The following C9orf78 variants were observed in gnomAD, a reference collection of about 807,000 sequenced individuals.
The protein encoded by C9orf78 is splicing factor C9orf78.
C9orf78 carries 19 observed loss-of-function variants against 37.4 expected under a neutral mutation model. The ratio of observed to expected loss-of-function variants is 0.51; its 90% CI spans 0.35 to 0.74. The LOEUF is 0.74. Among genes scored for constraint, C9orf78 ranks in the 30% least tolerant of loss-of-function variants. The pLI, the probability that C9orf78 is intolerant of heterozygous loss-of-function variation, is 0.01. For missense variants in C9orf78, 291 were observed against 370.8 expected (o/e 0.78, Z 1.77); for synonymous variants, 130 against 128.0 (o/e 1.02, Z -0.10).
At chr9:129,834,932 G>A in intron 1 of C9orf78, 166 bp from the exon 2 acceptor site, 1 of 671,320 alleles carries the variant, frequency 1.5e-6, no homozygotes, top group East Asian at 2.7e-5. Context: ...CCGGGAGTCA[G>A]AGCCACTGCG....
intron 5 of C9orf78, 25 bp downstream of exon 5, chr9:129,831,871 C>A: frequency 8.0e-7 from 1 of 1,256,734 alleles, no homozygotes; most frequent in South Asian, 1.2e-5. Context: ...CCCAACTGCT[C>A]ACAGCCAAAC....
Position 129,829,218 on chromosome 9 carries a change from CT to C in C9orf78, c.764del (p.Lys255SerfsTer31), listed in dbSNP as rs1314533284. 2 of 1,613,424 alleles carry C rather than the reference CT, an allele frequency of 1.2e-6. No individual in the cohort carries two copies. Among genetic ancestry groups the C allele is most frequent in the Non-Finnish European group, 8.5e-7 (1 of 1,179,422 alleles). On this transcript the variant is annotated frameshift_variant, in exon 8 of 9. Coordinates refer to ENST00000372447, the MANE Select transcript of C9orf78 (RefSeq NM_016520.3). LOFTEE classifies it high-confidence loss of function. ...ARPLRVGDTE[K>X]PEPERSPPNR... ...TGTTGCACTCACGCTCAGGCTCTGG[CT>C]TCTCCGTGTCACCTACTCTCAAGGG...
Position 129,831,101 on chromosome 9 carries a change from G to C in C9orf78, c.345-33C>G, listed in dbSNP as rs943060641. ...GAGAAACCCAGAGGCCTCAGGGAGG[G>C]GTGGGAAACACACACCAGGTGTCCT... On this transcript the variant is annotated intron_variant, in intron 5 of 8. Transcript: ENST00000372447. The C allele has an allele frequency of 2.8e-6, 4 of 1,407,186 alleles. No homozygotes were observed. In the African/African-American group the frequency reaches 5.7e-5, roughly 20 times the overall value. The allele number at this position is 1,407,186 out of a possible 1,614,324, so 87.2% of individuals were successfully genotyped here. A position where few individuals can be genotyped will look rare whatever the true frequency, so the allele number is the denominator to read the frequency against.
intron 1 of C9orf78, 156 bp downstream of exon 1, chr9:129,834,983 G>A (rs778151032): frequency 9.6e-5 from 67 of 694,552 alleles, no homozygotes; most frequent in African/African-American, 5.3e-4. Context: ...AGCTTGGGGC[G>A]GTGGCCTCAC....
At position 129,835,234 on chromosome 9, in the gene C9orf78, C is replaced by G. The variant is rs761397322; in HGVS notation, c.-13G>C. ...GGACGACCGGCATGGTGACAACGGC[C>G]GAGTTGTACAGCCGCCGCGCCTCTG... is the stretch of plus-strand genomic sequence containing the variant. On this transcript the variant is annotated 5_prime_UTR_variant, in exon 1 of 9. Transcript: ENST00000372447. 13 of 1,596,360 alleles carry G rather than the reference C, an allele frequency of 8.1e-6. No individual in the cohort carries two copies. The highest frequency in any genetic ancestry group is 1.0e-5 in the Non-Finnish European group (12 of 1,170,358).
At chr9:129,833,872 G>A in intron 2 of C9orf78, 163 bp from the exon 3 acceptor site, 4 of 612,606 alleles carry the variant, frequency 6.5e-6, no homozygotes, top group Non-Finnish European at 5.8e-6. Context: ...GCATAAGACA[G>A]GGCTCAACGA....
At chr9:129,829,676 C>G (rs1248864955) in intron 6 of C9orf78, 135 bp from the exon 7 acceptor site, 11 of 728,374 alleles carry the variant, frequency 1.5e-5, no homozygotes, top group Non-Finnish European at 2.3e-5. Context: ...CTTTATCAAG[C>G]ACACTTGTAG....
intron 5 of C9orf78, 119 bp downstream of exon 5, chr9:129,831,777 G>C (rs956889715): frequency 2.2e-5 from 16 of 731,094 alleles, no homozygotes; most frequent in Admixed American, 9.2e-5. Flanking sequence ...AGTAGAAAGA[G>C]AGGGGCCAAC....
chr9:129,833,082 T>C (rs2131016011), intron 4 of C9orf78, among the ~76,000 whole-genome samples: 2 of 150,510 alleles, frequency 1.3e-5, no homozygotes, highest in Middle Eastern at 6.9e-3. Flanking sequence ...TGTGTGTGTG[T>C]GTGTGTGTAT....
In C9orf78 at chr9:129,833,067, ATGTGTG is replaced by A. The variant is rs3054828; in HGVS notation, c.266+374_266+379del. Among the ~76,000 whole-genome samples the A allele has an allele frequency of 4.4e-4, 61 of 139,942 alleles. 1 individual carries two copies. The highest frequency in any genetic ancestry group is 2.5e-3 in the South Asian group (11 of 4,422). The allele number at this position is 139,942 out of a possible 152,430, so 91.8% of individuals were successfully genotyped here. A position where few individuals can be genotyped will look rare whatever the true frequency, so the allele number is the denominator to read the frequency against. On this transcript the variant is annotated intron_variant, in intron 4 of 8. Transcript: ENST00000372447. ...TACATATGTGTATATGTGTGTACAT[ATGTGTG>A]TGTGTGTGTGTGTGTGTATACATAC... is the stretch of plus-strand genomic sequence containing the variant.
rs926947282 is a variant in C9orf78, at chr9:129,827,985, G to A, written c.*176C>T. On this transcript the variant is annotated 3_prime_UTR_variant, in exon 9 of 9. Transcript: ENST00000372447. ...TTTCTGTATTTTCAGTAGAGACTGG[G>A]TTTCTCCATGTTGGTCAGGCTGGTC... 14 of 414,518 alleles carry A rather than the reference G, an allele frequency of 3.4e-5. No individual in the cohort carries two copies. The highest frequency in any genetic ancestry group is 6.2e-5 in the Non-Finnish European group (13 of 210,292). The allele number at this position is 414,518 out of a possible 1,614,324, so 25.7% of individuals were successfully genotyped here.
rs1055574854 is a variant in C9orf78 at position 129,829,549 on chromosome 9, G to A, written c.543-8C>T. 11 of 1,611,898 alleles carry A rather than the reference G, an allele frequency of 6.8e-6. No individual in the cohort carries two copies. The highest frequency in any genetic ancestry group is 1.3e-5 in the African/African-American group (1 of 74,928). ...ATATTTTTTATTTTAGCACTATGGA[G>A]AGAAAGAAACCACACCACTTAGAAG... is the stretch of plus-strand genomic sequence containing the variant. On this transcript the variant is annotated splice_region_variant and splice_polypyrimidine_tract_variant and intron_variant, in intron 6 of 8. Transcript: ENST00000372447.
chr9:129,833,721 C>CAAAAACA lies in C9orf78; in HGVS notation c.144-13_144-12insTGTTTTT. 7.5e-7 allele frequency: 1 copy of CAAAAACA among 1,324,646 alleles called. No individual in the cohort carries two copies. The highest frequency in any genetic ancestry group is 2.1e-5 in the Admixed American group (1 of 46,682). 82.1% of individuals were successfully genotyped at this position (1,324,646 alleles called of 1,614,324 possible). On this transcript the variant is annotated splice_polypyrimidine_tract_variant and intron_variant, in intron 2 of 8. Coordinates refer to ENST00000372447, the MANE Select transcript of C9orf78 (RefSeq NM_016520.3). ...GCAAGGCCACAGCACTGAGCAAAACCAAAAAAAAAAGAGAGGGGGAGAGAG... is the reference window on the plus strand; with the variant it reads ...GCAAGGCCACAGCACTGAGCAAAACCAAAAACAAAAAAAAAAAGAGAGGGGGAGAGAG...
Position 129,830,687 on chromosome 9 carries a change from T to C in C9orf78, c.542+184A>G, listed in dbSNP as rs529208001. ...CCACCATGCCCAGCTAATTTTTGTA[T>C]TTTTAGTAGAGACGGGGTTCGACCA... On this transcript the variant is annotated intron_variant, in intron 6 of 8. Coordinates refer to ENST00000372447, the MANE Select transcript of C9orf78 (RefSeq NM_016520.3). 9.0e-5 allele frequency: 50 copies of C among 557,234 alleles called. No homozygotes were observed. In the Middle Eastern group the frequency reaches 2.8e-3, roughly 32 times the overall value. The allele number at this position is 557,234 out of a possible 1,614,324, so 34.5% of individuals were successfully genotyped here.
intron 4 of C9orf78, among the ~76,000 whole-genome samples, 179 bp from the exon 5 acceptor site, chr9:129,832,152 A>T (rs1383246104): frequency 6.6e-6 from 1 of 152,208 alleles, no homozygotes; most frequent in Non-Finnish European, 1.5e-5. Context: ...TATGCAAGCA[A>T]ACTGTTGGCT....
At position 129,829,311 on chromosome 9, in the gene C9orf78, CAA is replaced by C; in HGVS notation, c.680-10_680-9del. ...TGAGCTCCTCATGATAAACTGGACC[CAA>C]AGAGACCAGGGGACACGTTAGAACA... On this transcript the variant is annotated splice_polypyrimidine_tract_variant and intron_variant, in intron 7 of 8. Transcript: ENST00000372447. 3 of 1,602,576 alleles carry C rather than the reference CAA, an allele frequency of 1.9e-6. No individual in the cohort carries two copies. Among genetic ancestry groups the C allele is most frequent in the Admixed American group, 1.7e-5 (1 of 58,450 alleles).
At position 129,829,251 on chromosome 9, in the gene C9orf78, C is replaced by A. The variant is rs200595056; in HGVS notation, c.732G>T (p.Lys244Asn). 1 of 1,613,006 alleles carries A rather than the reference C, an allele frequency of 6.2e-7. No individual in the cohort carries two copies. The highest frequency in any genetic ancestry group is 1.3e-5 in the African/African-American group (1 of 74,866). ...APIRRNKEEP[K>N]ARPLRVGDTE... The stretch of plus-strand genomic sequence containing the variant: ...TGTCACCTACTCTCAAGGGCCGGGC[C>A]TTGGGCTCTTCTTTGTTTCTCCGTA... The change falls in exon 8 of 9, where the codon AAG becomes AAT. Residue 244 changes from lysine (K) to asparagine (N), a missense_variant. By Grantham distance (94) the Lys-to-Asn change is moderately conservative (BLOSUM62 0). Around this residue, in one of 3 missense-constraint regions of C9orf78, gnomAD observed 120 missense variants for 148.7 expected, o/e 0.81. Transcript: ENST00000372447.
At chr9:129,834,881 C>A in intron 1 of C9orf78, 115 bp from the exon 2 acceptor site, 1 of 835,436 alleles carries the variant, frequency 1.2e-6, no homozygotes, top group South Asian at 1.5e-5. Context: ...TACTGAGCCA[C>A]CAGCACAGTG....
At chr9:129,834,515 CG>C in intron 2 of C9orf78, 191 bp downstream of exon 2, 1 of 544,558 alleles carries the variant, frequency 1.8e-6, no homozygotes, top group South Asian at 2.5e-5. Flanking sequence ...GAGCACACCC[CG>C]AGACGACACA....
Sources: gnomAD v4.1 joint callset for allele counts (sites outside exome capture counted in the v4.1 genomes callset) on GRCh38, gnomAD v4.1.1 for gene constraint, gnomAD v4.1.1 regional missense constraint, MANE v1.5 for transcripts, NCBI Gene and HGNC (gene_info 2026-07-23, HGNC 2026-07-21) for gene names.